The following KANSL1L variants were observed in gnomAD, a reference collection of about 807,000 sequenced individuals.
KANSL1L encodes KAT8 regulatory NSL complex subunit 1-like protein.
In KANSL1L, 25 loss-of-function variants were observed where a neutral mutation model predicts 108.6. The ratio of observed to expected loss-of-function variants is 0.23; its 90% confidence interval spans 0.17 to 0.32. The LOEUF (loss-of-function observed/expected upper bound fraction) is 0.32. Ranked by LOEUF, KANSL1L falls within the 10% of genes least tolerant of loss-of-function variation. KANSL1L has a pLI of 1.00. For missense variants in KANSL1L, 1,137 were observed against 1,125.7 expected, an observed-to-expected ratio of 1.01 and a Z score of -0.14; for synonymous variants, 405 against 395.1, an observed-to-expected ratio of 1.03 and a Z score of -0.30.
intron 11 of KANSL1L, among the ~76,000 whole-genome samples, chr2:210,027,815 G>C (rs1361317365): frequency 6.6e-6 from 1 of 152,134 alleles, no homozygotes; most frequent in Non-Finnish European, 1.5e-5. Context: ...GCCTACCATT[G>C]CAAGTTGAAA....
At chr2:210,067,716 C>CAAAAAAAAAA (rs569072484) in intron 6 of KANSL1L, among the ~76,000 whole-genome samples, 3 of 92,948 alleles carry the variant, frequency 3.2e-5, no homozygotes, top group African/African-American at 9.2e-5. Flanking sequence ...ACCCTGTCTC[C>CAAAAAAAAAA]AAAAAAAAAA....
chr2:210,041,934 CAAAAT>C (rs1262928367), intron 7 of KANSL1L, among the ~76,000 whole-genome samples: 1 of 152,080 alleles, frequency 6.6e-6, no homozygotes, highest in Non-Finnish European at 1.5e-5. Context: ...AATTAGGTGA[CAAAAT>C]GAAAATGGGA....
At chr2:210,109,291 C>A (rs929990307) in intron 3 of KANSL1L, among the ~76,000 whole-genome samples, 1 of 152,014 alleles carries the variant, frequency 6.6e-6, no homozygotes, top group Admixed American at 6.6e-5. Context: ...ATAGATAGAG[C>A]CTAAAATTTA....
At chr2:210,160,622 T>A (rs557940790) in intron 1 of KANSL1L, among the ~76,000 whole-genome samples, 2 of 152,222 alleles carry the variant, frequency 1.3e-5, no homozygotes, top group Non-Finnish European at 2.9e-5. Context: ...ATGATGCACA[T>A]GGTCTTTATA....
chr2:210,069,170 A>C (rs1282365761), intron 6 of KANSL1L, among the ~76,000 whole-genome samples: 1 of 152,198 alleles, frequency 6.6e-6, no homozygotes, highest in East Asian at 1.9e-4. Flanking sequence ...TCCACCTCAC[A>C]GTAGAATATA....
At chr2:210,051,005 T>G (rs1575422143) in intron 6 of KANSL1L, among the ~76,000 whole-genome samples, 1 of 152,154 alleles carries the variant, frequency 6.6e-6, no homozygotes, top group Non-Finnish European at 1.5e-5. Context: ...ATTACAAGAA[T>G]GAGCCACCAT....
At chr2:210,089,690 C>A (rs2094673673) in intron 5 of KANSL1L, among the ~76,000 whole-genome samples, 1 of 150,118 alleles carries the variant, frequency 6.7e-6, no homozygotes, top group African/African-American at 2.5e-5. Flanking sequence ...AAGTTAAAAT[C>A]TTTTTGGGGG....
intron 6 of KANSL1L, among the ~76,000 whole-genome samples, chr2:210,055,807 A>C (rs1017978723): frequency 1.3e-5 from 2 of 152,240 alleles, no homozygotes; most frequent in Non-Finnish European, 1.5e-5. Context: ...TTCAAGAGGA[A>C]GCAGAGCATA....
chr2:210,047,837 C>A (rs1485315406), intron 6 of KANSL1L, among the ~76,000 whole-genome samples: 1 of 152,208 alleles, frequency 6.6e-6, no homozygotes, highest in African/African-American at 2.4e-5. Context: ...TGGGGGTTCT[C>A]TATCCCCACT....
intron 2 of KANSL1L, among the ~76,000 whole-genome samples, chr2:210,148,948 T>C (rs563520491): frequency 6.6e-6 from 1 of 152,188 alleles, no homozygotes; most frequent in South Asian, 2.1e-4. Context: ...ACTTATCAAC[T>C]TTAAAAATTA....
chr2:210,172,067 C>T (rs1403141713), upstream of KANSL1L, among the ~76,000 whole-genome samples: 1 of 151,912 alleles, frequency 6.6e-6, no homozygotes, highest in Non-Finnish European at 1.5e-5. Context: ...GACCTAACTC[C>T]CCTCTGCAGT....
intron 2 of KANSL1L, among the ~76,000 whole-genome samples, chr2:210,140,860 G>T (rs2095221434): frequency 6.6e-6 from 1 of 152,056 alleles, no homozygotes. Flanking sequence ...TCACCACCAT[G>T]GTTAAATTTA....
rs1559539648 is a variant in KANSL1L at position 210,079,644 on chromosome 2, A to ATATATATATATGTGTG, written c.1551-3889_1551-3888insCACACATATATATATA. Among the ~76,000 whole-genome samples the ATATATATATATGTGTG allele has an allele frequency of 4.5e-3, 40 of 8,974 alleles. 1 individual carries two copies. Among genetic ancestry groups the ATATATATATATGTGTG allele is most frequent in the Non-Finnish European group, 0.012 (35 of 2,992 alleles). 5.9% of individuals were successfully genotyped at this position (8,974 alleles called of 152,430 possible). A position where few individuals can be genotyped will look rare whatever the true frequency, so the allele number is the denominator to read the frequency against. On this transcript the variant is annotated intron_variant, in intron 5 of 14. Coordinates refer to ENST00000281772, the MANE Select transcript of KANSL1L (RefSeq NM_152519.4). ...TATATATATATATATATATATATATATATATATATATATATATATATGTAT... is the reference window on the plus strand; with the variant it reads ...TATATATATATATATATATATATATATATATATATATGTGTGTATATATATATATATATATATGTAT...
intron 5 of KANSL1L, among the ~76,000 whole-genome samples, chr2:210,084,508 T>C (rs1260657556): frequency 1.3e-5 from 2 of 152,140 alleles, no homozygotes; most frequent in Non-Finnish European, 1.5e-5. Flanking sequence ...GATATAATAT[T>C]AACTGAAAAA....
chr2:210,027,427 T>C (rs1319627523), intron 11 of KANSL1L, 77 bp from the exon 12 acceptor site: 2 of 899,930 alleles, frequency 2.2e-6, no homozygotes, highest in Non-Finnish European at 3.7e-6. Flanking sequence ...CACAGCTAAA[T>C]GTATTAGTGT....
At chr2:210,170,565 C>T (rs914678358) in intron 1 of KANSL1L, 3 of 157,818 alleles carry the variant, frequency 1.9e-5, no homozygotes, top group African/African-American at 4.8e-5. Context: ...GTGACACAAA[C>T]TTGGAAGCAC....
intron 3 of KANSL1L, among the ~76,000 whole-genome samples, chr2:210,123,841 A>G (rs2095042979): frequency 6.6e-6 from 1 of 151,988 alleles, no homozygotes; most frequent in Admixed American, 6.6e-5. Context: ...AGTTAAAAAA[A>G]AAAAGCACAA....
intron 1 of KANSL1L, among the ~76,000 whole-genome samples, chr2:210,168,091 C>T (rs1688094101): frequency 6.6e-6 from 1 of 151,950 alleles, no homozygotes; most frequent in African/African-American, 2.4e-5. Context: ...TAAATTATTC[C>T]ATTAAAGTAC....
intron 8 of KANSL1L, among the ~76,000 whole-genome samples, chr2:210,033,613 T>C (rs1304378143): frequency 6.6e-5 from 10 of 151,830 alleles, no homozygotes; most frequent in Middle Eastern, 3.5e-3. Context: ...CACTGCAAAC[T>C]CCGCCTCCCG....
Sources: allele counts gnomAD v4.1 joint callset (sites outside exome capture counted in the v4.1 genomes callset), GRCh38; gene constraint gnomAD v4.1.1; transcripts MANE v1.5; gene names NCBI Gene and HGNC (gene_info 2026-07-23, HGNC 2026-07-21).